EXOC4: variants seen among roughly 807,000 people sequenced by gnomAD.
EXOC4 encodes the protein SEC8-like 1.
Under a neutral mutation model 107.2 loss-of-function variants are expected in EXOC4, and 71 were observed. The observed-to-expected ratio is 0.66, with a 90% CI of 0.55 to 0.81. The LOEUF (loss-of-function observed/expected upper bound fraction) is 0.81, where lower values mean the gene tolerates loss of function less well. Among genes scored for constraint, EXOC4 ranks in the 30% least tolerant of loss-of-function variants. EXOC4 has a pLI of 0.00. For synonymous variants in EXOC4, 456 were observed against 441.2 expected (o/e 1.03, Z -0.42); for missense variants, 1,108 against 1,189.6 (o/e 0.93, Z 1.01).
In EXOC4 at chr7:133,275,079, A is replaced by AT; in HGVS notation, c.186dup (p.Val63CysfsTer23). ...ATGTGACCGTGACCTGGATGAATTGATTGTACAGCACTACACAGAATTGAC... is the reference window on the plus strand; with the variant it reads ...ATGTGACCGTGACCTGGATGAATTGATTTGTACAGCACTACACAGAATTGAC... On this transcript the variant is annotated frameshift_variant, in exon 2 of 18. Coordinates refer to ENST00000253861, the MANE Select transcript of EXOC4 (RefSeq NM_021807.4). LOFTEE classifies it high-confidence loss of function. The AT allele has an allele frequency of 6.2e-7, 1 of 1,613,908 alleles. No homozygotes were observed. The highest frequency in any genetic ancestry group is 8.5e-7 in the Non-Finnish European group (1 of 1,179,828).
chr7:133,507,025 A>G (rs185591251), intron 9 of EXOC4, among the ~76,000 whole-genome samples: 4 of 152,224 alleles, frequency 2.6e-5, no homozygotes, highest in African/African-American at 9.6e-5. Flanking sequence ...ATTTGGGGAC[A>G]AAGATGATTT....
intron 13 of EXOC4, among the ~76,000 whole-genome samples, chr7:133,918,631 G>A (rs2116640621): frequency 6.6e-6 from 1 of 152,160 alleles, no homozygotes; most frequent in Non-Finnish European, 1.5e-5. Context: ...ATTTGCCTTT[G>A]TTCAATTTAA....
At chr7:133,401,568 G>A (rs1797090532) in intron 7 of EXOC4, among the ~76,000 whole-genome samples, 1 of 151,592 alleles carries the variant, frequency 6.6e-6, no homozygotes, top group Admixed American at 6.6e-5. Flanking sequence ...AGTATAAAGT[G>A]GAAGGATTGC....
chr7:133,755,234 A>AATATATATAATATATATATT (rs1167605876), intron 10 of EXOC4, among the ~76,000 whole-genome samples: 1 of 108,050 alleles, frequency 9.3e-6, no homozygotes, highest in Non-Finnish European at 1.8e-5. Context: ...ATATATATAT[A>AATATATATAATATATATATT]ATATATATAA....
intron 11 of EXOC4, among the ~76,000 whole-genome samples, chr7:133,872,379 T>C (rs573432744): frequency 6.6e-6 from 1 of 152,176 alleles, no homozygotes; most frequent in Non-Finnish European, 1.5e-5. Context: ...CAACTGTGTA[T>C]TGAACAAGAG....
At chr7:133,807,079 G>T (rs892022225) in intron 10 of EXOC4, among the ~76,000 whole-genome samples, 3 of 152,142 alleles carry the variant, frequency 2.0e-5, no homozygotes, top group Non-Finnish European at 2.9e-5. Flanking sequence ...GGAAGATATG[G>T]TGGGCCGACT....
At chr7:133,338,597 C>T (rs1277054715) in intron 5 of EXOC4, among the ~76,000 whole-genome samples, 2 of 34,932 alleles carry the variant, frequency 5.7e-5, no homozygotes, top group Non-Finnish European at 5.3e-5. Context: ...GAGACTCCGT[C>T]TCAAAAAAAA....
At chr7:134,056,253 C>T (rs1338013953) in intron 17 of EXOC4, among the ~76,000 whole-genome samples, 1 of 152,114 alleles carries the variant, frequency 6.6e-6, no homozygotes, top group Non-Finnish European at 1.5e-5. Flanking sequence ...TGAAAAGACT[C>T]TAAAGTGATA....
intron 9 of EXOC4, among the ~76,000 whole-genome samples, chr7:133,505,723 T>C (rs1799654387): frequency 6.6e-6 from 1 of 152,190 alleles, no homozygotes; most frequent in East Asian, 1.9e-4. Context: ...TGCTTGATAA[T>C]GTAACACAAG....
intron 11 of EXOC4, among the ~76,000 whole-genome samples, chr7:133,839,194 T>G (rs1009695787): frequency 6.6e-6 from 1 of 152,172 alleles, no homozygotes; most frequent in Admixed American, 6.5e-5. Flanking sequence ...AAAAATCACT[T>G]CTTTGGCAAA....
intron 11 of EXOC4, among the ~76,000 whole-genome samples, chr7:133,836,977 C>T (rs1797931189): frequency 6.6e-6 from 1 of 152,162 alleles, no homozygotes; most frequent in Admixed American, 6.6e-5. Context: ...CTGTTACACT[C>T]TAGCCTCTAA....
intron 13 of EXOC4, among the ~76,000 whole-genome samples, chr7:133,921,029 G>A (rs955208343): frequency 6.6e-6 from 1 of 152,168 alleles, no homozygotes; most frequent in African/African-American, 2.4e-5. Flanking sequence ...TATAGGAATT[G>A]GCTCATTAAA....
chr7:133,620,284 C>G (rs533014029), intron 9 of EXOC4, among the ~76,000 whole-genome samples: 50 of 152,200 alleles, frequency 3.3e-4, no homozygotes, highest in African/African-American at 1.1e-3. Context: ...GCCTCAGCCT[C>G]CCAAAGTGCT....
chr7:133,324,308 G>A (rs1795184193), intron 5 of EXOC4, among the ~76,000 whole-genome samples: 1 of 152,152 alleles, frequency 6.6e-6, no homozygotes, highest in African/African-American at 2.4e-5. Flanking sequence ...TTGTTAGGGT[G>A]TCAATTTTAG....
intron 10 of EXOC4, among the ~76,000 whole-genome samples, chr7:133,687,729 C>G (rs552675389): frequency 2.0e-5 from 3 of 152,116 alleles, no homozygotes; most frequent in Non-Finnish European, 4.4e-5. Context: ...GACTGAACTT[C>G]TGGTGTTTCT....
At chr7:133,354,012 A>G (rs535395370) in intron 5 of EXOC4, among the ~76,000 whole-genome samples, 3 of 151,508 alleles carry the variant, frequency 2.0e-5, no homozygotes, top group Middle Eastern at 3.4e-3. Flanking sequence ...CAGTTTGTTT[A>G]TACATTATTT....
intron 10 of EXOC4, among the ~76,000 whole-genome samples, chr7:133,724,502 CATTAT>C: frequency 6.6e-6 from 1 of 152,144 alleles, no homozygotes; most frequent in African/African-American, 2.4e-5. Context: ...CTACTGTGTA[CATTAT>C]ATTGTTCTAG....
intron 17 of EXOC4, among the ~76,000 whole-genome samples, chr7:134,029,194 TCACTGTGGGAGTTC>T (rs752786250): frequency 7.2e-5 from 11 of 152,232 alleles, no homozygotes; most frequent in Non-Finnish European, 1.6e-4. Context: ...TGCCTCCTCC[TCACTGTGGGAGTTC>T]CAAGAAGTTT....
At chr7:134,072,930 C>T in the EXOC4 span, among the ~76,000 whole-genome samples, 1 of 151,112 alleles carries the variant, frequency 6.6e-6, no homozygotes, top group South Asian at 2.1e-4. Flanking sequence ...CTAGGCTGGG[C>T]ATGGTAGCTC....
Sources: allele counts gnomAD v4.1 joint callset (sites outside exome capture counted in the v4.1 genomes callset), GRCh38; gene constraint gnomAD v4.1.1; transcripts MANE v1.5; gene names NCBI Gene and HGNC (gene_info 2026-07-23, HGNC 2026-07-21).